Variants in MRFAP1L1 observed in about 807,000 individuals in gnomAD.
MRFAP1L1 encodes the protein Morf4 family associated protein 1 like 1, also known as MORF4 family-associated protein 1-like 1.
MRFAP1L1 carries 9 observed loss-of-function variants against 10.6 expected under a neutral mutation model. The ratio of observed to expected loss-of-function variants is 0.85; its 90% confidence interval spans 0.51 to 1.48. The LOEUF (loss-of-function observed/expected upper bound fraction) is 1.48. Ranked by LOEUF, MRFAP1L1 falls within the 40% of genes most tolerant of loss-of-function variation. The pLI is 0.00. For missense variants in MRFAP1L1, 177 were observed against 171.4 expected, an observed-to-expected ratio of 1.03 and a Z score of -0.18; for synonymous variants, 78 against 70.4, an observed-to-expected ratio of 1.11 and a Z score of -0.54.
At position 6,709,674 on chromosome 4, in the gene MRFAP1L1, C is replaced by T. The variant is rs752915940; in HGVS notation, c.-45G>A. 1.3e-6 allele frequency: 2 copies of T among 1,576,882 alleles called. No homozygotes were observed. The highest frequency in any genetic ancestry group is 2.3e-5 in the South Asian group (2 of 86,456). On this transcript the variant is annotated 5_prime_UTR_variant, in exon 1 of 2. Coordinates refer to ENST00000320848, the MANE Select transcript of MRFAP1L1 (RefSeq NM_203462.3). ...AGTACCGCAGTAGGGGCGTTCTTCT[C>T]ACCGGAACCCTCCAAGAACTGGAGA...
At chr4:6,708,850 G>C (rs79458211) in intron 1 of MRFAP1L1, 1 of 794 alleles carries the variant, frequency 1.3e-3, no homozygotes, top group East Asian at 0.5. Context: ...TGCGTTCTCA[G>C]CCTGCGTTCC....
chr4:6,709,146 A>C lies in MRFAP1L1; in HGVS notation c.*15+85T>G, dbSNP rs58036904. The C allele has an allele frequency of 4.8e-3, 6,989 of 1,443,662 alleles. 283 individuals are homozygous for C. In the African/African-American group the frequency reaches 0.086, roughly 18 times the overall value. The allele number at this position is 1,443,662 out of a possible 1,614,324, so 89.4% of individuals were successfully genotyped here. A position where few individuals can be genotyped will look rare whatever the true frequency, so the allele number is the denominator to read the frequency against. On this transcript the variant is annotated intron_variant, in intron 1 of 1. Transcript: ENST00000320848. Reference sequence around the variant, plus strand: ...ATAAAATGGGGGATGCAGGCCTAGAACATAACTTTTTACAGGGCGCGGTTT... The same window carrying C: ...ATAAAATGGGGGATGCAGGCCTAGACCATAACTTTTTACAGGGCGCGGTTT...
rs1714710797 is a variant in MRFAP1L1 at position 6,709,402 on chromosome 4, C to T, written c.228G>A (p.Glu76=). ...QIKTQVEASE[E]SALNHVQHPS... ...GGTGCTGCACGTGATTGAGGGCGCTCTCCTCCGAGGCCTCCACCTGCGTTT... is the reference window on the plus strand; with the variant it reads ...GGTGCTGCACGTGATTGAGGGCGCTTTCCTCCGAGGCCTCCACCTGCGTTT... The change falls in exon 1 of 2, where the codon GAG becomes GAA. Residue 76 remains glutamate, a synonymous_variant. Coordinates refer to ENST00000320848, the MANE Select transcript of MRFAP1L1 (RefSeq NM_203462.3). The T allele has an allele frequency of 1.2e-6, 2 of 1,614,254 alleles. No individual in the cohort carries two copies. Among genetic ancestry groups the T allele is most frequent in the East Asian group, 4.5e-5 (2 of 44,890 alleles).
In MRFAP1L1 at chr4:6,709,811, C is replaced by A; in HGVS notation, c.-182G>T. ...ATTGTAAGCCTTTCGCTTCACAACT[C>A]TGCGGGAAGAATCGCCGTGGATGCA... is the stretch of plus-strand genomic sequence containing the variant. On this transcript the variant is annotated 5_prime_UTR_variant, in exon 1 of 2. Coordinates refer to ENST00000320848, the MANE Select transcript of MRFAP1L1 (RefSeq NM_203462.3). 2.3e-6 allele frequency: 2 copies of A among 858,770 alleles called. No homozygotes were observed. The highest frequency in any genetic ancestry group is 2.7e-5 in the East Asian group (1 of 36,798). 53.2% of individuals were successfully genotyped at this position (858,770 alleles called of 1,614,324 possible). A position where few individuals can be genotyped will look rare whatever the true frequency, so the allele number is the denominator to read the frequency against.
In MRFAP1L1 at chr4:6,709,587, CT is replaced by C; in HGVS notation, c.42del (p.Val15TrpfsTer107). 1 of 1,614,082 alleles carries C rather than the reference CT, an allele frequency of 6.2e-7. No individual in the cohort carries two copies. Among genetic ancestry groups the C allele is most frequent in the South Asian group, 1.1e-5 (1 of 91,092 alleles). ...LDIDEVEAPE[E>X]VEVLEPEEDF... ...TCCTCCTCGGGCTCCAGCACCTCCA[CT>C]TCCTCAGGCGCTTCCACCTCGTCTA... On this transcript the variant is annotated frameshift_variant, in exon 1 of 2. Coordinates refer to ENST00000320848, the MANE Select transcript of MRFAP1L1 (RefSeq NM_203462.3). LOFTEE classifies it high-confidence loss of function.
At chr4:6,709,142 T>C (rs1714694018) in intron 1 of MRFAP1L1, 89 bp downstream of exon 1, 4 of 1,418,350 alleles carry the variant, frequency 2.8e-6, no homozygotes, top group Non-Finnish European at 3.9e-6. Flanking sequence ...GATGCAGGCC[T>C]AGAACATAAC....
Position 6,709,639 on chromosome 4 carries a change from C to A in MRFAP1L1, c.-10G>T, listed in dbSNP as rs774919515. 3.7e-6 allele frequency: 6 copies of A among 1,608,718 alleles called. No individual in the cohort carries two copies. On this transcript the variant is annotated 5_prime_UTR_variant, in exon 1 of 2. Coordinates refer to ENST00000320848, the MANE Select transcript of MRFAP1L1 (RefSeq NM_203462.3). ...TGTCCAGGGGCCGCATCTCCTCCTG[C>A]CGCTTCCTCAGTACCGCAGTAGGGG... is the stretch of plus-strand genomic sequence containing the variant.
chr4:6,708,324 G>T lies in MRFAP1L1; in HGVS notation c.*335C>A, dbSNP rs1008597631. 1 of 152,442 alleles carries T rather than the reference G, an allele frequency of 6.6e-6. No individual in the cohort carries two copies. Among genetic ancestry groups the T allele is most frequent in the Non-Finnish European group, 1.5e-5 (1 of 68,036 alleles). The allele number at this position is 152,442 out of a possible 1,614,324, so 9.4% of individuals were successfully genotyped here. On this transcript the variant is annotated 3_prime_UTR_variant, in exon 2 of 2. Coordinates refer to ENST00000320848, the MANE Select transcript of MRFAP1L1 (RefSeq NM_203462.3). ...TTCCAAAAAACAATCAGGTCACAAA[G>T]GTAACAGCAAAATACGAGGCCATGC...
Position 6,709,452 on chromosome 4 carries a change from T to A in MRFAP1L1, c.178A>T (p.Met60Leu), listed in dbSNP as rs777734005. The stretch of plus-strand genomic sequence containing the variant: ...TTGATCTGGATAAGCATATTGTCCA[T>A]CTCCCACAGCTTGCTCCTGGTCCGC... Reference protein sequence around the residue: ...YLRTRSKLWEMDNMLIQIKTQ... With the variant: ...YLRTRSKLWELDNMLIQIKTQ... The change falls in exon 1 of 2, where the codon ATG becomes TTG. Residue 60 changes from methionine (M) to leucine (L), a missense_variant. Coordinates refer to ENST00000320848, the MANE Select transcript of MRFAP1L1 (RefSeq NM_203462.3). 6.2e-7 allele frequency: 1 copy of A among 1,614,252 alleles called. No individual in the cohort carries two copies. Among genetic ancestry groups the A allele is most frequent in the Non-Finnish European group, 8.5e-7 (1 of 1,180,050 alleles).
chr4:6,709,159 C>G, intron 1 of MRFAP1L1, 72 bp downstream of exon 1: 10 of 1,511,398 alleles, frequency 6.6e-6, no homozygotes, highest in Non-Finnish European at 9.0e-6. Context: ...TAACTTTTTA[C>G]AGGGCGCGGT....
Position 6,709,831 on chromosome 4 carries a change from G to C in MRFAP1L1, c.-202C>G. 2.8e-6 allele frequency: 2 copies of C among 723,540 alleles called. No homozygotes were observed. Among genetic ancestry groups the C allele is most frequent in the Non-Finnish European group, 4.5e-6 (2 of 447,112 alleles). The allele number at this position is 723,540 out of a possible 1,614,324, so 44.8% of individuals were successfully genotyped here. A position where few individuals can be genotyped will look rare whatever the true frequency, so the allele number is the denominator to read the frequency against. ...CAACTCTGCGGGAAGAATCGCCGTG[G>C]ATGCACACAAATAAGCGGCCTACAA... On this transcript the variant is annotated 5_prime_UTR_variant, in exon 1 of 2. In the 5' UTR this introduces an upstream ATG that the reference lacks. Coordinates refer to ENST00000320848, the MANE Select transcript of MRFAP1L1 (RefSeq NM_203462.3).
At chr4:6,708,964 T>C in intron 1 of MRFAP1L1, 1 of 459,594 alleles carries the variant, frequency 2.2e-6, no homozygotes, top group Non-Finnish European at 4.0e-6. Context: ...ACTTTTATGT[T>C]TCACAAAAAC....
rs1485797995 is a variant in MRFAP1L1, at chr4:6,709,428, T to C, written c.202A>G (p.Lys68Glu). 1 of 1,614,276 alleles carries C rather than the reference T, an allele frequency of 6.2e-7. No homozygotes were observed. Among genetic ancestry groups the C allele is most frequent in the East Asian group, 2.2e-5 (1 of 44,890 alleles). ...TCCTCCGAGGCCTCCACCTGCGTTT[T>C]GATCTGGATAAGCATATTGTCCATC... The part of the protein sequence containing the change: ...WEMDNMLIQI[K>E]TQVEASEESA... Residue 68 changes from lysine (K) to glutamate (E), a missense_variant, in exon 1 of 2, where the codon AAA becomes GAA. Transcript: ENST00000320848.
In MRFAP1L1 at chr4:6,709,491, CGTGCTCGCGTATAAGAGACGCGAT is replaced by C. The variant is rs1714717043; in HGVS notation, c.115_138del (p.Ile39_His46del). ...CTCCTGGTCCGCAGGTACGCCCGCC[CGTGCTCGCGTATAAGAGACGCGAT>C]GTCCTCGCGCATCTCGTTGATGACC... On this transcript the variant is annotated inframe_deletion, in exon 1 of 2. Coordinates refer to ENST00000320848, the MANE Select transcript of MRFAP1L1 (RefSeq NM_203462.3). 6.2e-7 allele frequency: 1 copy of C among 1,614,272 alleles called. No homozygotes were observed. Among genetic ancestry groups the C allele is most frequent in the Non-Finnish European group, 8.5e-7 (1 of 1,180,048 alleles).
At position 6,709,852 on chromosome 4, in the gene MRFAP1L1, T is replaced by A. The variant is rs1186047261; in HGVS notation, c.-223A>T. ...CGTGGATGCACACAAATAAGCGGCC[T>A]ACAAAATGGAGTCGCAGCCGTCAAC... On this transcript the variant is annotated 5_prime_UTR_variant, in exon 1 of 2. Transcript: ENST00000320848. 3.2e-6 allele frequency: 2 copies of A among 622,752 alleles called. No individual in the cohort carries two copies. The highest frequency in any genetic ancestry group is 3.7e-5 in the African/African-American group (2 of 54,328). The allele number at this position is 622,752 out of a possible 1,614,324, so 38.6% of individuals were successfully genotyped here. A position where few individuals can be genotyped will look rare whatever the true frequency, so the allele number is the denominator to read the frequency against.
At chr4:6,709,080 C>T (rs1366074980) in intron 1 of MRFAP1L1, 151 bp downstream of exon 1, 2 of 871,080 alleles carry the variant, frequency 2.3e-6, no homozygotes, top group Non-Finnish European at 3.5e-6. Flanking sequence ...ATTCTTTCCT[C>T]TTGACCCCAA....
chr4:6,709,228 T>C lies in MRFAP1L1; in HGVS notation c.*15+3A>G. ...CCAAGCTCCAGCTAGTTTCCGACCT[T>C]ACCACCGATCTCCTCCTTCAAGAAG... On this transcript the variant is annotated splice_donor_region_variant and intron_variant, in intron 1 of 1. Transcript: ENST00000320848. The C allele has an allele frequency of 6.2e-7, 1 of 1,610,712 alleles. No homozygotes were observed. The highest frequency in any genetic ancestry group is 8.5e-7 in the Non-Finnish European group (1 of 1,177,058).
In MRFAP1L1 at chr4:6,709,606, C is replaced by T. The variant is rs780143408; in HGVS notation, c.24G>A (p.Glu8=). 1.1e-5 allele frequency: 18 copies of T among 1,613,626 alleles called. No individual in the cohort carries two copies. The highest frequency in any genetic ancestry group is 1.4e-5 in the Non-Finnish European group (16 of 1,179,518). The change falls in exon 1 of 2, where the codon GAG becomes GAA. Residue 8 remains glutamate (E), a synonymous_variant. Transcript: ENST00000320848. Reference sequence around the variant, plus strand: ...CCTCCACTTCCTCAGGCGCTTCCACCTCGTCTATGTCCAGGGGCCGCATCT... The same window carrying T: ...CCTCCACTTCCTCAGGCGCTTCCACTTCGTCTATGTCCAGGGGCCGCATCT... MRPLDID[E]VEAPEEVEVL... is the part of the protein sequence containing the mutation.
chr4:6,709,597 C>T lies in MRFAP1L1; in HGVS notation c.33G>A (p.Ala11=), dbSNP rs761591825. MRPLDIDEVE[A]PEEVEVLEPE... ...GCTCCAGCACCTCCACTTCCTCAGG[C>T]GCTTCCACCTCGTCTATGTCCAGGG... The change falls in exon 1 of 2, where the codon GCG becomes GCA. Residue 11 remains alanine (A), a synonymous_variant. Transcript: ENST00000320848. The T allele has an allele frequency of 6.2e-7, 1 of 1,613,848 alleles. No homozygotes were observed. The highest frequency in any genetic ancestry group is 1.7e-5 in the Admixed American group (1 of 60,024).
Sources: gnomAD v4.1 joint callset for allele counts on GRCh38, gnomAD v4.1.1 for gene constraint, MANE v1.5 for transcripts, NCBI Gene and HGNC (gene_info 2026-07-23, HGNC 2026-07-21) for gene names.